DGKI: variants seen among roughly 807,000 people sequenced by gnomAD.
The protein encoded by DGKI is DAG kinase iota.
A neutral mutation model predicts 147.5 loss-of-function variants in DGKI; 55 were observed. The ratio of observed to expected loss-of-function variants is 0.37; its 90% CI spans 0.30 to 0.47. The LOEUF (loss-of-function observed/expected upper bound fraction) is 0.47. Ranked by LOEUF, DGKI falls within the 20% of genes least tolerant of loss-of-function variation. DGKI has a pLI of 1.00. For missense variants in DGKI, 1,007 were observed against 1,323.8 expected, an observed-to-expected ratio of 0.76 and a Z score of 3.71; for synonymous variants, 469 against 477.1, an observed-to-expected ratio of 0.98 and a Z score of 0.22.
chr7:137,445,208 T>C (rs1454730862), intron 27 of DGKI, among the ~76,000 whole-genome samples: 1 of 152,210 alleles, frequency 6.6e-6, no homozygotes, highest in African/African-American at 2.4e-5. Flanking sequence ...TATCTACTGG[T>C]TAGTAAGATT....
chr7:137,606,877 T>C (rs1280099316), intron 10 of DGKI, among the ~76,000 whole-genome samples: 3 of 152,212 alleles, frequency 2.0e-5, no homozygotes, highest in Admixed American at 6.5e-5. Context: ...AATCCTATTA[T>C]ACAATTATTT....
chr7:137,397,334 T>C (rs368835561), intron 31 of DGKI, 43 bp downstream of exon 31: 71 of 1,574,844 alleles, frequency 4.5e-5, no homozygotes, highest in Non-Finnish European at 6.0e-5. Context: ...AGATATGTTC[T>C]GAAGAAAATA....
At chr7:137,584,865 C>A (rs1819330426) in intron 14 of DGKI, among the ~76,000 whole-genome samples, 1 of 152,108 alleles carries the variant, frequency 6.6e-6, no homozygotes, top group South Asian at 2.1e-4. Context: ...GAACAAGTGC[C>A]CAATGCTTAC....
At chr7:137,625,367 G>A (rs533668225) in intron 6 of DGKI, among the ~76,000 whole-genome samples, 4 of 152,094 alleles carry the variant, frequency 2.6e-5, no homozygotes, top group Non-Finnish European at 5.9e-5. Context: ...GGCTGAGTCA[G>A]GAGAATTTCT....
chr7:137,644,759 C>T (rs903743183), intron 6 of DGKI, among the ~76,000 whole-genome samples: 14 of 152,150 alleles, frequency 9.2e-5, no homozygotes, highest in Admixed American at 4.6e-4. Flanking sequence ...TAGTGATATT[C>T]GCCACCAGTT....
chr7:137,774,197 AAG>A (rs1367659885), intron 1 of DGKI, among the ~76,000 whole-genome samples: 1 of 152,190 alleles, frequency 6.6e-6, no homozygotes, highest in African/African-American at 2.4e-5. Context: ...TTGAATAAAA[AAG>A]AAGTTATGGT....
chr7:137,837,747 A>T (rs143224548), intron 1 of DGKI, among the ~76,000 whole-genome samples: 2 of 152,206 alleles, frequency 1.3e-5, no homozygotes, highest in African/African-American at 4.8e-5. Context: ...CAACCTCCAG[A>T]ATGATGAGAA....
At chr7:137,490,470 T>G (rs1815723829) in intron 21 of DGKI, among the ~76,000 whole-genome samples, 1 of 152,218 alleles carries the variant, frequency 6.6e-6, no homozygotes, top group Non-Finnish European at 1.5e-5. Context: ...CCCAATCATC[T>G]ATCTTTTAAT....
chr7:137,518,776 T>C (rs973770145), intron 21 of DGKI, among the ~76,000 whole-genome samples: 4 of 152,044 alleles, frequency 2.6e-5, no homozygotes, highest in African/African-American at 9.7e-5. Context: ...AAATATATCA[T>C]GTGTCAGTGA....
At chr7:137,799,178 A>T (rs1167569797) in intron 1 of DGKI, among the ~76,000 whole-genome samples, 2 of 152,198 alleles carry the variant, frequency 1.3e-5, no homozygotes, top group Non-Finnish European at 2.9e-5. Flanking sequence ...TCCAGCAATT[A>T]CAAGGAAGGA....
intron 8 of DGKI, among the ~76,000 whole-genome samples, chr7:137,617,953 T>C (rs1820590494): frequency 6.6e-6 from 1 of 150,654 alleles, no homozygotes; most frequent in Non-Finnish European, 1.5e-5. Flanking sequence ...TTCATTTGCT[T>C]GAAAATTTCC....
chr7:137,576,703 C>G (rs570687978), intron 17 of DGKI, among the ~76,000 whole-genome samples: 1 of 152,288 alleles, frequency 6.6e-6, no homozygotes, highest in Non-Finnish European at 1.5e-5. Flanking sequence ...GAACCTTGAC[C>G]AGGTGGGAGA....
At chr7:137,546,790 G>A (rs1016110298) in intron 20 of DGKI, among the ~76,000 whole-genome samples, 3 of 152,190 alleles carry the variant, frequency 2.0e-5, no homozygotes, top group Admixed American at 6.5e-5. Context: ...GGATCTCTCT[G>A]TTCTGCAGCA....
At chr7:137,751,025 C>T (rs1795475954) in intron 1 of DGKI, among the ~76,000 whole-genome samples, 1 of 152,168 alleles carries the variant, frequency 6.6e-6, no homozygotes. Flanking sequence ...GTAAAGGCCA[C>T]TTCTAGTTCT....
intron 1 of DGKI, among the ~76,000 whole-genome samples, chr7:137,721,083 T>A (rs1794543383): frequency 6.6e-6 from 1 of 152,202 alleles, no homozygotes; most frequent in African/African-American, 2.4e-5. Context: ...ACATCCTACT[T>A]TTTAACTGCT....
chr7:137,610,594 C>T (rs1266123635), intron 8 of DGKI, among the ~76,000 whole-genome samples: 1 of 152,156 alleles, frequency 6.6e-6, no homozygotes. Context: ...AGATGTTTAA[C>T]AAAGTGTTGG....
chr7:137,618,295 T>A lies in DGKI; in HGVS notation c.993+1529A>T, dbSNP rs1585292018. ...GTATGTTCATCTCCCACACACCCTCTGCATAAACCCTGCACTTTGGTCAAA... is the reference window on the plus strand; with the variant it reads ...GTATGTTCATCTCCCACACACCCTCAGCATAAACCCTGCACTTTGGTCAAA... On this transcript the variant is annotated intron_variant, in intron 8 of 32. Coordinates refer to ENST00000614521, the MANE Select transcript of DGKI (RefSeq NM_001321708.2). Among the ~76,000 whole-genome samples, 4 of 149,618 alleles carry A rather than the reference T, an allele frequency of 2.7e-5. No individual in the cohort carries two copies. The Admixed American group carries it at 2.7e-4, about 10-fold the overall frequency.
At chr7:137,755,244 T>C (rs1795643011) in intron 1 of DGKI, among the ~76,000 whole-genome samples, 1 of 152,132 alleles carries the variant, frequency 6.6e-6, no homozygotes, top group Non-Finnish European at 1.5e-5. Flanking sequence ...GTAAGAAACA[T>C]GAATTAAAAA....
At chr7:137,605,018 C>A (rs1012285613) in intron 10 of DGKI, among the ~76,000 whole-genome samples, 1 of 152,038 alleles carries the variant, frequency 6.6e-6, no homozygotes, top group African/African-American at 2.4e-5. Flanking sequence ...AGGAGGTATT[C>A]AAAGTTGAAA....
Sources: allele counts gnomAD v4.1 joint callset (sites outside exome capture counted in the v4.1 genomes callset), GRCh38; gene constraint gnomAD v4.1.1; transcripts MANE v1.5; gene names NCBI Gene and HGNC (gene_info 2026-07-23, HGNC 2026-07-21).